Variants in MSRA observed in about 807,000 individuals in gnomAD.
MSRA encodes the protein methionine sulfoxide reductase A, also known as mitochondrial peptide methionine sulfoxide reductase.
MSRA carries 54 observed loss-of-function variants against 31.3 expected under a neutral mutation model. The ratio of observed to expected loss-of-function variants is 1.73; its 90% confidence interval spans 1.39 to 2.17. The LOEUF (loss-of-function observed/expected upper bound fraction) is 2.17. Among genes scored for constraint, MSRA ranks in the 30% most tolerant of loss-of-function variants. The pLI, the probability that MSRA is intolerant of heterozygous loss-of-function variation, is 0.00. For missense variants in MSRA, 507 were observed against 300.9 expected, an observed-to-expected ratio of 1.69 and a Z score of -5.07; for synonymous variants, 169 against 116.5, an observed-to-expected ratio of 1.45 and a Z score of -2.90.
intron 1 of MSRA, among the ~76,000 whole-genome samples, chr8:10,094,609 G>C (rs1177758195): frequency 2.0e-5 from 3 of 152,170 alleles, no homozygotes; most frequent in Non-Finnish European, 4.4e-5. Flanking sequence ...TCAAGGACTA[G>C]AAGTCACTTT....
intron 1 of MSRA, among the ~76,000 whole-genome samples, chr8:10,171,353 C>G (rs1805570111): frequency 6.9e-6 from 1 of 144,680 alleles, no homozygotes. Flanking sequence ...GAGCACTATC[C>G]CAATTTAAAC....
intron 5 of MSRA, among the ~76,000 whole-genome samples, chr8:10,417,419 G>GACACACAC (rs1184991397): frequency 0.43 from 62,324 of 145,210 alleles, 13,669 homozygotes; most frequent in Middle Eastern, 0.62. Flanking sequence ...TTCGTCAGAA[G>GACACACAC]ACACACACAC....
intron 4 of MSRA, among the ~76,000 whole-genome samples, chr8:10,309,850 C>T (rs1421175381): frequency 6.6e-6 from 1 of 152,152 alleles, no homozygotes; most frequent in Non-Finnish European, 1.5e-5. Flanking sequence ...TCCAGGTGGT[C>T]CCAGGGAATC....
intron 5 of MSRA, among the ~76,000 whole-genome samples, chr8:10,402,977 C>G (rs1382505024): frequency 6.6e-6 from 1 of 152,180 alleles, no homozygotes; most frequent in Non-Finnish European, 1.5e-5. Flanking sequence ...TATCTGAAAA[C>G]TGGAAGAGAA....
intron 5 of MSRA, among the ~76,000 whole-genome samples, chr8:10,378,501 G>C (rs1234762078): frequency 6.6e-6 from 1 of 152,234 alleles, no homozygotes; most frequent in African/African-American, 2.4e-5. Context: ...ACCTTGCTGA[G>C]TTGGTGACTT....
chr8:10,407,264 A>G (rs1807877201), intron 5 of MSRA, among the ~76,000 whole-genome samples: 1 of 152,210 alleles, frequency 6.6e-6, no homozygotes. Flanking sequence ...TGAAACGCCC[A>G]CGTTCTCACC....
chr8:10,085,166 C>G (rs573824114), intron 1 of MSRA, among the ~76,000 whole-genome samples: 1 of 152,250 alleles, frequency 6.6e-6, no homozygotes, highest in South Asian at 2.1e-4. Flanking sequence ...CTCTTCCTGC[C>G]CTCCTGTGGG....
chr8:10,260,749 G>T (rs906274426), intron 3 of MSRA, among the ~76,000 whole-genome samples: 2 of 152,148 alleles, frequency 1.3e-5, no homozygotes, highest in Non-Finnish European at 2.9e-5. Flanking sequence ...AAATTACATT[G>T]TGTGCGTGTG....
At chr8:10,291,499 T>A (rs1170626020) in intron 3 of MSRA, among the ~76,000 whole-genome samples, 1 of 151,892 alleles carries the variant, frequency 6.6e-6, no homozygotes, top group Non-Finnish European at 1.5e-5. Context: ...CCAATTTTGA[T>A]GTATTAGGAT....
At chr8:10,061,107 T>G (rs923154189) in intron 1 of MSRA, among the ~76,000 whole-genome samples, 6 of 152,210 alleles carry the variant, frequency 3.9e-5, no homozygotes, top group African/African-American at 1.2e-4. Context: ...GTCCCTGGGA[T>G]GAGGGTATTC....
At chr8:10,318,801 T>G (rs1262607638) in intron 4 of MSRA, among the ~76,000 whole-genome samples, 2 of 152,194 alleles carry the variant, frequency 1.3e-5, no homozygotes, top group Admixed American at 1.3e-4. Flanking sequence ...TCATCTGGGC[T>G]TCACGCTTGA....
intron 3 of MSRA, among the ~76,000 whole-genome samples, chr8:10,254,637 C>T (rs1434686049): frequency 2.6e-5 from 4 of 152,212 alleles, no homozygotes; most frequent in Admixed American, 1.3e-4. Flanking sequence ...GTCAGAGACA[C>T]TTGCACAGTT....
intron 4 of MSRA, among the ~76,000 whole-genome samples, chr8:10,317,927 G>A (rs997314562): frequency 6.6e-6 from 1 of 152,100 alleles, no homozygotes; most frequent in Non-Finnish European, 1.5e-5. Context: ...GACTTGTCAA[G>A]ATACCTATGT....
chr8:10,075,955 T>C (rs1475810762), intron 1 of MSRA, among the ~76,000 whole-genome samples: 5 of 152,212 alleles, frequency 3.3e-5, no homozygotes, highest in Non-Finnish European at 1.5e-5. Context: ...TTCATGACCA[T>C]ACGTCGATGT....
At chr8:10,248,410 G>A (rs982414146) in intron 3 of MSRA, among the ~76,000 whole-genome samples, 1 of 152,070 alleles carries the variant, frequency 6.6e-6, no homozygotes, top group Non-Finnish European at 1.5e-5. Context: ...CTTTACCACC[G>A]CTCTGTGCAA....
At chr8:10,327,223 T>A (rs1243230589) in intron 5 of MSRA, among the ~76,000 whole-genome samples, 1 of 152,232 alleles carries the variant, frequency 6.6e-6, no homozygotes, top group East Asian at 1.9e-4. Context: ...TTAAAGGCTG[T>A]ATCTATCCGT....
chr8:10,404,949 C>G (rs1807709317), intron 5 of MSRA, among the ~76,000 whole-genome samples: 1 of 152,212 alleles, frequency 6.6e-6, no homozygotes, highest in Non-Finnish European at 1.5e-5. Flanking sequence ...TTGGCCTGGA[C>G]AGAACCCACG....
In MSRA at chr8:10,268,256, A is replaced by G. The variant is rs531451234; in HGVS notation, c.331+23033A>G. Among the ~76,000 whole-genome samples the G allele has an allele frequency of 6.3e-4, 96 of 152,312 alleles. 1 individual carries two copies. Among genetic ancestry groups the G allele is most frequent in the African/African-American group, 2.2e-3 (92 of 41,574 alleles). On this transcript the variant is annotated intron_variant, in intron 3 of 5. Coordinates refer to ENST00000317173, the MANE Select transcript of MSRA (RefSeq NM_012331.5). ...TAACAAGCAGTTTATTCACTTTTAA[A>G]CAAAATGGGAACGCTTCTTTCTCAT...
chr8:10,282,869 C>T (rs1799696359), intron 3 of MSRA, among the ~76,000 whole-genome samples: 1 of 152,124 alleles, frequency 6.6e-6, no homozygotes, highest in Non-Finnish European at 1.5e-5. Context: ...CATCAGCTCT[C>T]CTCTATATAC....
Sources: allele counts gnomAD v4.1 joint callset (sites outside exome capture counted in the v4.1 genomes callset), GRCh38; gene constraint gnomAD v4.1.1; transcripts MANE v1.5; gene names NCBI Gene and HGNC (gene_info 2026-07-23, HGNC 2026-07-21).